Variants in NCKAP5 observed in about 807,000 individuals in gnomAD.
NCKAP5 encodes NCK associated protein 5.
A neutral mutation model predicts 167.0 loss-of-function variants in NCKAP5; 92 were observed. The observed-to-expected ratio is 0.55, with a 90% CI of 0.47 to 0.66. The LOEUF is 0.66. Ranked by LOEUF, NCKAP5 falls within the 30% of genes least tolerant of loss-of-function variation. The probability of loss-of-function intolerance (pLI) is 0.00; values close to 1 mark genes in which losing one functional copy is unlikely to be tolerated. For missense variants in NCKAP5, 2,378 were observed against 2,315.0 expected, an observed-to-expected ratio of 1.03 and a Z score of -0.56; for synonymous variants, 891 against 877.4, an observed-to-expected ratio of 1.02 and a Z score of -0.27.
intron 4 of NCKAP5, among the ~76,000 whole-genome samples, chr2:133,228,859 A>G (rs551634418): frequency 6.6e-6 from 1 of 152,342 alleles, no homozygotes; most frequent in African/African-American, 2.4e-5. Flanking sequence ...TCTTTGTAAA[A>G]AATCAAATCG....
the NCKAP5 span, among the ~76,000 whole-genome samples, chr2:133,635,344 C>A: frequency 6.6e-6 from 1 of 152,148 alleles, no homozygotes; most frequent in Non-Finnish European, 1.5e-5. Context: ...TCACTTCCTC[C>A]AAATATCTGT....
the NCKAP5 span, among the ~76,000 whole-genome samples, chr2:133,622,831 G>A: frequency 1.3e-5 from 2 of 152,038 alleles, no homozygotes; most frequent in African/African-American, 4.8e-5. Context: ...TCAAAAAAGA[G>A]CCCACATAGC....
chr2:132,851,194 C>G (rs1462655627), intron 11 of NCKAP5, among the ~76,000 whole-genome samples: 1 of 152,152 alleles, frequency 6.6e-6, no homozygotes, highest in Non-Finnish European at 1.5e-5. Context: ...TTTCCTCGGT[C>G]TCTCAAGTTT....
At chr2:133,203,417 C>T (rs1267494957) in intron 5 of NCKAP5, among the ~76,000 whole-genome samples, 1 of 152,076 alleles carries the variant, frequency 6.6e-6, no homozygotes, top group African/African-American at 2.4e-5. Context: ...GGAGGAATAG[C>T]ATTAGGAGAT....
chr2:133,555,313 T>C (rs1687661458), intron 2 of NCKAP5, among the ~76,000 whole-genome samples: 1 of 152,228 alleles, frequency 6.6e-6, no homozygotes, highest in South Asian at 2.1e-4. Context: ...ACTGTCTGTG[T>C]AATTGCTCTG....
intron 4 of NCKAP5, among the ~76,000 whole-genome samples, chr2:133,298,629 T>C (rs992160636): frequency 6.6e-6 from 1 of 152,186 alleles, no homozygotes; most frequent in African/African-American, 2.4e-5. Context: ...GCGTGTAAGA[T>C]ACACTTACTA....
At chr2:132,771,092 T>TA (rs35518445) in intron 16 of NCKAP5, among the ~76,000 whole-genome samples, 54,736 of 151,892 alleles carry the variant, frequency 0.36, 10,494 homozygotes, top group East Asian at 0.48. Flanking sequence ...TTCCATTTAA[T>TA]AAAAAAAGTT....
At chr2:133,527,099 T>TAC (rs1684988629) in intron 2 of NCKAP5, 2 of 152,046 alleles carry the variant, frequency 1.3e-5, no homozygotes, top group Admixed American at 1.3e-4. Context: ...TGTGGAGAGC[T>TAC]ACACTTAAAA....
chr2:132,976,283 G>T (rs991874729), intron 7 of NCKAP5, among the ~76,000 whole-genome samples: 1 of 152,160 alleles, frequency 6.6e-6, no homozygotes, highest in Admixed American at 6.5e-5. Flanking sequence ...TCAGATAGGA[G>T]ACCAGATGCA....
At chr2:133,367,291 G>A (rs75199737) in intron 3 of NCKAP5, among the ~76,000 whole-genome samples, 5,112 of 152,246 alleles carry the variant, frequency 0.034, 272 homozygotes, top group African/African-American at 0.12. Context: ...AGCCACAGCG[G>A]AGGTGACCTT....
chr2:132,916,981 C>A (rs1387724033), intron 8 of NCKAP5, among the ~76,000 whole-genome samples: 1 of 152,160 alleles, frequency 6.6e-6, no homozygotes, highest in Non-Finnish European at 1.5e-5. Context: ...GGAGTAGACC[C>A]AATAATGATG....
chr2:133,048,167 C>A lies in NCKAP5; in HGVS notation c.342-53928G>T, dbSNP rs1323035890. Among the ~76,000 whole-genome samples the A allele has an allele frequency of 2.0e-5, 3 of 152,112 alleles. No individual in the cohort carries two copies. In the East Asian group the frequency reaches 5.8e-4, roughly 29 times the overall value. On this transcript the variant is annotated intron_variant, in intron 6 of 19. Transcript: ENST00000409261. Reference sequence around the variant, plus strand: ...CAAAGTACATCTTTATAACCAATTGCCCTGTAAGCGTAGCAGTGAAAAGAG... The same window carrying A: ...CAAAGTACATCTTTATAACCAATTGACCTGTAAGCGTAGCAGTGAAAAGAG...
chr2:133,317,383 C>G (rs1332268052), intron 3 of NCKAP5, among the ~76,000 whole-genome samples: 3 of 152,084 alleles, frequency 2.0e-5, no homozygotes, highest in Non-Finnish European at 4.4e-5. Flanking sequence ...TGGCCACCCC[C>G]CTCCTTCCAG....
intron 16 of NCKAP5, among the ~76,000 whole-genome samples, chr2:132,750,657 AATAT>A (rs2104783447): frequency 6.6e-6 from 1 of 152,320 alleles, no homozygotes; most frequent in African/African-American, 2.4e-5. Context: ...CCACATTAGA[AATAT>A]CTAGTGCTAA....
intron 16 of NCKAP5, among the ~76,000 whole-genome samples, chr2:132,753,393 C>T (rs551113875): frequency 6.6e-6 from 1 of 151,888 alleles, no homozygotes; most frequent in African/African-American, 2.4e-5. Context: ...ATGGCTTTCC[C>T]AATATGTTTC....
At chr2:133,220,646 C>T (rs994225801) in intron 4 of NCKAP5, among the ~76,000 whole-genome samples, 3 of 151,992 alleles carry the variant, frequency 2.0e-5, no homozygotes, top group African/African-American at 4.8e-5. Context: ...TGTTGGCATT[C>T]GTAAAATTCA....
chr2:132,678,287 T>A (rs891763657), intron 19 of NCKAP5, among the ~76,000 whole-genome samples: 4 of 152,200 alleles, frequency 2.6e-5, no homozygotes, highest in Admixed American at 2.6e-4. Context: ...CAATCAATTA[T>A]TGTTCTATGA....
At chr2:132,748,647 T>A (rs1676910737) in intron 16 of NCKAP5, among the ~76,000 whole-genome samples, 1 of 152,192 alleles carries the variant, frequency 6.6e-6, no homozygotes, top group African/African-American at 2.4e-5. Context: ...CGTACCCTAC[T>A]CTCCCTGTTT....
chr2:132,859,989 A>T (rs576844094), intron 11 of NCKAP5, among the ~76,000 whole-genome samples: 12 of 152,216 alleles, frequency 7.9e-5, no homozygotes, highest in Admixed American at 3.3e-4. Flanking sequence ...TTAGAAAAAG[A>T]CAACCTGTAA....
Sources: gnomAD v4.1 joint callset for allele counts (sites outside exome capture counted in the v4.1 genomes callset) on GRCh38, gnomAD v4.1.1 for gene constraint, MANE v1.5 for transcripts, NCBI Gene and HGNC (gene_info 2026-07-23, HGNC 2026-07-21) for gene names.